Variants in NRG3 observed in about 807,000 individuals in gnomAD.
The protein encoded by NRG3 is pro-neuregulin-3, membrane-bound isoform.
NRG3 carries 31 observed loss-of-function variants against 66.9 expected under a neutral mutation model. The ratio of observed to expected loss-of-function variants is 0.46; its 90% CI spans 0.35 to 0.63. The LOEUF is 0.63. Ranked by LOEUF, NRG3 falls within the 20% of genes least tolerant of loss-of-function variation. The pLI is 0.00. For missense variants in NRG3, 910 were observed against 878.9 expected, an observed-to-expected ratio of 1.04 and a Z score of -0.45; for synonymous variants, 393 against 359.4, an observed-to-expected ratio of 1.09 and a Z score of -1.06.
chr10:82,490,014 G>A (rs895733310), intron 2 of NRG3, among the ~76,000 whole-genome samples: 2 of 152,094 alleles, frequency 1.3e-5, no homozygotes, highest in Admixed American at 6.6e-5. Context: ...ATTTCTCTGA[G>A]GTCATAAAAC....
chr10:82,834,845 T>C (rs571611002), intron 3 of NRG3, among the ~76,000 whole-genome samples: 1 of 152,340 alleles, frequency 6.6e-6, no homozygotes, highest in East Asian at 1.9e-4. Context: ...TGCAGCAAGC[T>C]GCTTAGGTAG....
At chr10:81,923,683 TC>T (rs1416018407) in intron 1 of NRG3, among the ~76,000 whole-genome samples, 1 of 151,928 alleles carries the variant, frequency 6.6e-6, no homozygotes. Context: ...GTCCATCTTC[TC>T]CAAGACCCCC....
chr10:82,131,175 G>GTATTTCATT (rs2068791619), intron 1 of NRG3, among the ~76,000 whole-genome samples: 3 of 152,066 alleles, frequency 2.0e-5, no homozygotes, highest in Non-Finnish European at 4.4e-5. Context: ...CATTGTTTGA[G>GTATTTCATT]GTCTTAGATT....
At chr10:82,034,807 C>CTTG (rs1181167095) in intron 1 of NRG3, among the ~76,000 whole-genome samples, 1 of 152,010 alleles carries the variant, frequency 6.6e-6, no homozygotes, top group Non-Finnish European at 1.5e-5. Context: ...AGACTGTGGG[C>CTTG]TCAGTGAGAG....
intron 1 of NRG3, among the ~76,000 whole-genome samples, chr10:82,347,248 G>C (rs968837534): frequency 6.7e-6 from 1 of 148,504 alleles, no homozygotes; most frequent in Non-Finnish European, 1.5e-5. Context: ...ATACATCCCA[G>C]AGATTCTGGT....
At chr10:82,825,659 C>T (rs1032760668) in intron 3 of NRG3, among the ~76,000 whole-genome samples, 12 of 152,080 alleles carry the variant, frequency 7.9e-5, no homozygotes, top group Admixed American at 4.6e-4. Flanking sequence ...GTGTTTCAGT[C>T]GTAGAGTTCA....
chr10:82,439,967 T>C (rs2090347679), intron 2 of NRG3, among the ~76,000 whole-genome samples: 1 of 152,108 alleles, frequency 6.6e-6, no homozygotes, highest in Non-Finnish European at 1.5e-5. Context: ...TTTCATAAAA[T>C]AAGTTTTAGA....
chr10:81,967,931 G>A (rs1453681864), intron 1 of NRG3, among the ~76,000 whole-genome samples: 1 of 152,154 alleles, frequency 6.6e-6, no homozygotes, highest in Non-Finnish European at 1.5e-5. Context: ...ATTTGGACTT[G>A]CTCTTGGCAG....
At chr10:82,168,677 T>C (rs1272383057) in intron 1 of NRG3, among the ~76,000 whole-genome samples, 4 of 152,138 alleles carry the variant, frequency 2.6e-5, no homozygotes, top group Non-Finnish European at 5.9e-5. Flanking sequence ...TCTGTTTCCA[T>C]AGTGGTGCAA....
chr10:82,229,688 A>T (rs976308900), intron 1 of NRG3, among the ~76,000 whole-genome samples: 1 of 152,264 alleles, frequency 6.6e-6, no homozygotes, highest in South Asian at 2.1e-4. Context: ...AAACCATCAG[A>T]TCTTGTGAGA....
intron 1 of NRG3, among the ~76,000 whole-genome samples, chr10:82,055,399 CCCAGAAGGCAGAGTTTGCAGTGAA>C (rs2063791356): frequency 6.6e-6 from 1 of 150,528 alleles, no homozygotes; most frequent in African/African-American, 2.4e-5. Context: ...ATGGCCTGAA[CCCAGAAGGCAGAGTTTGCAGTGAA>C]CCAAGATTGC....
chr10:82,212,534 G>A (rs1246294241), intron 1 of NRG3, among the ~76,000 whole-genome samples: 1 of 152,170 alleles, frequency 6.6e-6, no homozygotes, highest in Non-Finnish European at 1.5e-5. Context: ...CAAAAAAGTT[G>A]TCACTTGGAC....
At chr10:82,195,319 CAA>C (rs1326442601) in intron 1 of NRG3, among the ~76,000 whole-genome samples, 2 of 152,068 alleles carry the variant, frequency 1.3e-5, no homozygotes, top group East Asian at 3.9e-4. Context: ...TCACTTTGGT[CAA>C]AGAGTATTTT....
chr10:82,466,913 CAAA>C (rs77350035), intron 2 of NRG3, among the ~76,000 whole-genome samples: 2 of 69,326 alleles, frequency 2.9e-5, no homozygotes, highest in African/African-American at 5.0e-5. Context: ...GTACCCTGAC[CAAA>C]AAAAAAAAAA....
intron 4 of NRG3, among the ~76,000 whole-genome samples, chr10:82,880,518 A>T (rs1842213002): frequency 6.6e-6 from 1 of 152,202 alleles, no homozygotes; most frequent in Non-Finnish European, 1.5e-5. Flanking sequence ...AATAATCCAG[A>T]TCAAAATGTC....
intron 1 of NRG3, among the ~76,000 whole-genome samples, chr10:82,355,648 T>C (rs911705500): frequency 1.3e-5 from 2 of 152,172 alleles, no homozygotes; most frequent in Non-Finnish European, 2.9e-5. Context: ...CGTAGCAACC[T>C]CGTGAGTTTA....
At position 82,901,722 on chromosome 10, in the gene NRG3, C is replaced by T. The variant is rs115700972; in HGVS notation, c.1054+36285C>T. Among the ~76,000 whole-genome samples the T allele has an allele frequency of 2.1e-3, 318 of 152,310 alleles. 3 individuals carry two copies. Among genetic ancestry groups the T allele is most frequent in the African/African-American group, 7.3e-3 (303 of 41,566 alleles). ...AGTGGGATAAGGTCAAACAGAGCAG[C>T]AGATGGCTAAAATTATATGTGAAAG... On this transcript the variant is annotated intron_variant, in intron 4 of 8. Transcript: ENST00000372141.
chr10:82,877,247 T>C (rs1841906505), intron 4 of NRG3, among the ~76,000 whole-genome samples: 2 of 152,004 alleles, frequency 1.3e-5, no homozygotes. Context: ...TGTGGGCTCA[T>C]GATGGTTCAG....
At chr10:82,229,410 A>G (rs2076337034) in intron 1 of NRG3, among the ~76,000 whole-genome samples, 1 of 152,236 alleles carries the variant, frequency 6.6e-6, no homozygotes, top group South Asian at 2.1e-4. Context: ...AAATTCAGGA[A>G]GAAATATAGC....
Sources: allele counts gnomAD v4.1 joint callset (sites outside exome capture counted in the v4.1 genomes callset), GRCh38; gene constraint gnomAD v4.1.1; transcripts MANE v1.5; gene names NCBI Gene and HGNC (gene_info 2026-07-23, HGNC 2026-07-21).